SSH2: variants seen among roughly 807,000 people sequenced by gnomAD.
The protein encoded by SSH2 is protein phosphatase Slingshot homolog 2.
Under a neutral mutation model 135.2 loss-of-function variants are expected in SSH2, and 37 were observed. That is an observed-to-expected ratio of 0.27 (90% CI 0.21 to 0.36). The LOEUF is 0.36. Ranked by LOEUF, SSH2 falls within the 10% of genes least tolerant of loss-of-function variation. The probability of loss-of-function intolerance (pLI) is 1.00; values close to 1 mark genes in which losing one functional copy is unlikely to be tolerated. For synonymous variants in SSH2, 628 were observed against 646.2 expected (o/e 0.97, Z 0.43); for missense variants, 1,408 against 1,765.3 (o/e 0.80, Z 3.63).
chr17:29,838,305 C>A (rs760585007), intron 2 of SSH2, among the ~76,000 whole-genome samples: 4 of 152,212 alleles, frequency 2.6e-5, no homozygotes, highest in Non-Finnish European at 5.9e-5. Context: ...GCTGAGGGGG[C>A]AGGCCAAGGG....
intron 1 of SSH2, among the ~76,000 whole-genome samples, chr17:29,899,685 G>A (rs984045623): frequency 8.5e-5 from 13 of 152,090 alleles, no homozygotes; most frequent in Non-Finnish European, 1.5e-4. Context: ...AATCAATATC[G>A]TGAAAATGGC....
At chr17:29,767,004 A>G (rs1238688809) in intron 3 of SSH2, among the ~76,000 whole-genome samples, 2 of 152,214 alleles carry the variant, frequency 1.3e-5, no homozygotes, top group Non-Finnish European at 2.9e-5. Flanking sequence ...TGCAATCACC[A>G]TGTGGCTAAT....
intron 3 of SSH2, among the ~76,000 whole-genome samples, chr17:29,768,290 T>TA (rs1318249003): frequency 6.0e-5 from 8 of 133,230 alleles, no homozygotes; most frequent in African/African-American, 2.4e-4. Flanking sequence ...TAAATGTAAA[T>TA]TTTTTTTTTT....
rs938245780 is a variant in SSH2 at position 29,929,813 on chromosome 17, G to C, written c.63+125C>G. On this transcript the variant is annotated intron_variant, in intron 1 of 15. Coordinates refer to ENST00000540801, the MANE Select transcript of SSH2 (RefSeq NM_001282129.2). Reference sequence around the variant, plus strand: ...ACATGGGGGTGTGGGGGGGTTCGCGGCAGCCGAGTGCCAAGGCCTGGGAAG... The same window carrying C: ...ACATGGGGGTGTGGGGGGGTTCGCGCCAGCCGAGTGCCAAGGCCTGGGAAG... The C allele has an allele frequency of 4.1e-5, 35 of 853,400 alleles. No individual in the cohort carries two copies. The East Asian group carries it at 5.6e-4, about 14-fold the overall frequency. The allele number at this position is 853,400 out of a possible 1,614,324, so 52.9% of individuals were successfully genotyped here.
At chr17:29,843,177 G>C (rs2043072716) in intron 2 of SSH2, among the ~76,000 whole-genome samples, 1 of 152,150 alleles carries the variant, frequency 6.6e-6, no homozygotes, top group African/African-American at 2.4e-5. Flanking sequence ...GTTGTATCTG[G>C]ATGTTCATCC....
chr17:29,770,526 G>T (rs753145399), intron 3 of SSH2, among the ~76,000 whole-genome samples: 16 of 149,914 alleles, frequency 1.1e-4, no homozygotes, highest in Non-Finnish European at 2.1e-4. Context: ...AGGCTGGGGT[G>T]CAGTGGCATG....
At chr17:29,774,823 C>T (rs985903697) in intron 3 of SSH2, among the ~76,000 whole-genome samples, 2 of 152,130 alleles carry the variant, frequency 1.3e-5, no homozygotes, top group African/African-American at 4.8e-5. Flanking sequence ...ATGGCAAGAG[C>T]AGCAAGAAGA....
At chr17:29,718,583 A>T (rs1350487807) in intron 3 of SSH2, among the ~76,000 whole-genome samples, 1 of 151,846 alleles carries the variant, frequency 6.6e-6, no homozygotes, top group African/African-American at 2.4e-5. Context: ...AATACAAAAC[A>T]TTAGCTGGGC....
At chr17:29,695,025 C>A (rs1242615466) in intron 5 of SSH2, among the ~76,000 whole-genome samples, 1 of 152,134 alleles carries the variant, frequency 6.6e-6, no homozygotes, top group Non-Finnish European at 1.5e-5. Context: ...TTAGTAAAGA[C>A]CTAAGTCCAC....
intron 3 of SSH2, among the ~76,000 whole-genome samples, chr17:29,760,847 T>C (rs2041268290): frequency 6.6e-6 from 1 of 152,086 alleles, no homozygotes; most frequent in Admixed American, 6.6e-5. Context: ...AGCTCAGCTG[T>C]CACTCGGTCA....
chr17:29,913,347 AATATAT>A (rs56068605), intron 1 of SSH2, among the ~76,000 whole-genome samples: 693 of 28,620 alleles, frequency 0.024, 22 homozygotes, highest in Middle Eastern at 0.056. Flanking sequence ...AAAAAAAAAA[AATATAT>A]ATATATATAT....
rs1228290459 is a variant in SSH2, at chr17:29,636,321, G to C, written c.1909C>G (p.Leu637Val). 1 of 1,614,052 alleles carries C rather than the reference G, an allele frequency of 6.2e-7. No homozygotes were observed. Among genetic ancestry groups the C allele is most frequent in the Non-Finnish European group, 8.5e-7 (1 of 1,180,036 alleles). ...DALKADMNVH[L>V]LPMEELTSPL... ...GATGTCAATTCTTCCATAGGCAGTA[G>C]GTGGACATTCATGTCTGCTTTCAGT... The change falls in exon 15 of 16, where the codon CTA becomes GTA. Residue 637 changes from leucine to valine, a missense_variant. By Grantham distance (32) the Leu-to-Val change is conservative. This residue lies in a region of SSH2 where 1,080 missense variants were observed against 1,144.5 expected (regional missense o/e 0.94). Coordinates refer to ENST00000540801, the MANE Select transcript of SSH2 (RefSeq NM_001282129.2).
chr17:29,707,189 A>C (rs1426015907), intron 3 of SSH2: 1 of 151,946 alleles, frequency 6.6e-6, no homozygotes, highest in African/African-American at 2.4e-5. Context: ...TTTGGAGTTC[A>C]GCAATACTGT....
rs569481592 is a variant in SSH2, at chr17:29,830,572, A to T, written c.144+18277T>A. On this transcript the variant is annotated intron_variant, in intron 2 of 15. Transcript: ENST00000540801. ...CCACTAGAGTATAAGTTTCAAAGGG[A>T]AGAATCATGTTTATGGTTTATCACA... 9.8e-5 allele frequency among the ~76,000 whole-genome samples: 15 copies of T among 152,348 alleles called. No homozygotes were observed. In the South Asian group the frequency reaches 3.1e-3, roughly 32 times the overall value.
chr17:29,923,674 G>C (rs1007299627), intron 1 of SSH2, among the ~76,000 whole-genome samples: 1 of 151,388 alleles, frequency 6.6e-6, no homozygotes, highest in African/African-American at 2.4e-5. Context: ...AATGCCAACC[G>C]ATAATGGAAT....
At chr17:29,778,436 T>A (rs948271031) in intron 3 of SSH2, among the ~76,000 whole-genome samples, 1 of 152,000 alleles carries the variant, frequency 6.6e-6, no homozygotes, top group African/African-American at 2.4e-5. Context: ...GGTCAGGAGA[T>A]CGAGACCAGC....
chr17:29,929,483 G>A (rs1273618987), intron 1 of SSH2, among the ~76,000 whole-genome samples: 1 of 152,118 alleles, frequency 6.6e-6, no homozygotes, highest in Non-Finnish European at 1.5e-5. Flanking sequence ...ACACACCCTG[G>A]CGAGTACGAA....
intron 2 of SSH2, among the ~76,000 whole-genome samples, chr17:29,828,690 T>C (rs1415208459): frequency 6.6e-6 from 1 of 152,206 alleles, no homozygotes; most frequent in Non-Finnish European, 1.5e-5. Flanking sequence ...CAATCTATTT[T>C]GGTAAAGCAG....
intron 3 of SSH2, among the ~76,000 whole-genome samples, chr17:29,730,134 A>G (rs1386375915): frequency 6.6e-6 from 1 of 151,902 alleles, no homozygotes; most frequent in Non-Finnish European, 1.5e-5. Context: ...CAGGCTGGGC[A>G]ACATGGTGAA....
Sources: allele counts gnomAD v4.1 joint callset (sites outside exome capture counted in the v4.1 genomes callset), GRCh38; gene constraint gnomAD v4.1.1; regional missense constraint gnomAD v4.1.1; transcripts MANE v1.5; gene names NCBI Gene and HGNC (gene_info 2026-07-23, HGNC 2026-07-21).